The following CTNNA1 variants were observed in gnomAD, a reference collection of about 807,000 sequenced individuals.
CTNNA1 encodes the protein catenin alpha 1, also known as catenin alpha-1.
A neutral mutation model predicts 98.4 loss-of-function variants in CTNNA1; 37 were observed. That is an observed-to-expected ratio of 0.38 (90% CI 0.29 to 0.49). The LOEUF is 0.49. CTNNA1 is among the 20% of genes least tolerant of loss of function. CTNNA1 has a pLI of 0.95. For synonymous variants in CTNNA1, 404 were observed against 413.2 expected (o/e 0.98, Z 0.27); for missense variants, 761 against 1,147.2 (o/e 0.66, Z 4.86).
chr5:138,846,419 C>T (rs547883659), intron 7 of CTNNA1, among the ~76,000 whole-genome samples: 1 of 152,188 alleles, frequency 6.6e-6, no homozygotes, highest in South Asian at 2.1e-4. Flanking sequence ...AGATAATTAT[C>T]TTATATATTT....
chr5:138,861,088 C>T (rs1037321972), intron 7 of CTNNA1, among the ~76,000 whole-genome samples: 1 of 151,952 alleles, frequency 6.6e-6, no homozygotes, highest in African/African-American at 2.4e-5. Context: ...GGCATGATCT[C>T]AGGTCACTGT....
At chr5:138,841,977 G>A (rs776736171) in intron 7 of CTNNA1, among the ~76,000 whole-genome samples, 38 of 152,326 alleles carry the variant, frequency 2.5e-4, no homozygotes, top group South Asian at 2.1e-4. Flanking sequence ...ATTCAAACAT[G>A]AAAGTCATCT....
chr5:138,873,989 T>G lies in CTNNA1; in HGVS notation c.1063-12223T>G. On this transcript the variant is annotated intron_variant, in intron 7 of 17. Transcript: ENST00000302763. The surrounding 1 kb of genome is among the most constrained non-coding windows in gnomAD (Gnocchi z 6.1). Reference sequence around the variant, plus strand: ...ATTGCGAGCCAAACTTCGCAAACGATTTGTGCTCAAATCCAGAAACTCCAG... The same window carrying G: ...ATTGCGAGCCAAACTTCGCAAACGAGTTGTGCTCAAATCCAGAAACTCCAG... 1 of 1,613,988 alleles carries G rather than the reference T, an allele frequency of 6.2e-7. No individual in the cohort carries two copies. The highest frequency in any genetic ancestry group is 1.1e-5 in the South Asian group (1 of 91,082).
intron 7 of CTNNA1, among the ~76,000 whole-genome samples, chr5:138,855,162 C>T (rs1436857940): frequency 1.3e-5 from 2 of 152,184 alleles, no homozygotes; most frequent in Non-Finnish European, 2.9e-5. Flanking sequence ...CCTCAGCCTC[C>T]CGAGTAGCTG....
chr5:138,892,229 C>G (rs964379788), intron 9 of CTNNA1, among the ~76,000 whole-genome samples: 1 of 151,116 alleles, frequency 6.6e-6, no homozygotes. Flanking sequence ...TTGACTGAGA[C>G]CTATCTCAGA....
rs1009795846 is a variant in CTNNA1, at chr5:138,912,056, G to A, written c.1390-5686G>A. Among the ~76,000 whole-genome samples, 10 of 152,186 alleles carry A rather than the reference G, an allele frequency of 6.6e-5. 1 individual carries two copies. Among genetic ancestry groups the A allele is most frequent in the Non-Finnish European group, 7.3e-5 (5 of 68,044 alleles). On this transcript the variant is annotated intron_variant, in intron 10 of 17. Coordinates refer to ENST00000302763, the MANE Select transcript of CTNNA1 (RefSeq NM_001903.5). Reference sequence around the variant, plus strand: ...AGACATGCAAGATGCATGTCATGTTGAGGGCAGAGGTCTGAACAGGATGTG... The same window carrying A: ...AGACATGCAAGATGCATGTCATGTTAAGGGCAGAGGTCTGAACAGGATGTG...
intron 9 of CTNNA1, among the ~76,000 whole-genome samples, chr5:138,892,159 G>A (rs2150060304): frequency 6.6e-6 from 1 of 152,202 alleles, no homozygotes; most frequent in African/African-American, 2.4e-5. Flanking sequence ...CTTGGGCACA[G>A]GACTTCCTGA....
chr5:138,839,598 G>T (rs1436642849), intron 7 of CTNNA1, among the ~76,000 whole-genome samples: 1 of 152,158 alleles, frequency 6.6e-6, no homozygotes, highest in Non-Finnish European at 1.5e-5. Flanking sequence ...TTGGGGGAAA[G>T]ATCTAATTAT....
chr5:138,810,256 A>G (rs371676909), intron 4 of CTNNA1, 52 bp downstream of exon 4: 45 of 1,578,790 alleles, frequency 2.9e-5, no homozygotes, highest in Middle Eastern at 1.7e-4. Flanking sequence ...GAAGATTGCT[A>G]CTGGCCTTCC....
At chr5:138,848,607 C>T (rs1350729906) in intron 7 of CTNNA1, among the ~76,000 whole-genome samples, 1 of 152,208 alleles carries the variant, frequency 6.6e-6, no homozygotes, top group Non-Finnish European at 1.5e-5. Context: ...GTTGACTGTG[C>T]TGCATAGCTT....
At chr5:138,794,056 CG>C (rs1756667313) in intron 3 of CTNNA1, among the ~76,000 whole-genome samples, 1 of 141,188 alleles carries the variant, frequency 7.1e-6, no homozygotes, top group African/African-American at 2.7e-5. Context: ...CTTGCTCTGT[CG>C]CCCAGGCTGA....
At chr5:138,894,003 C>T (rs1373186452) in intron 9 of CTNNA1, among the ~76,000 whole-genome samples, 4 of 152,074 alleles carry the variant, frequency 2.6e-5, no homozygotes, top group Non-Finnish European at 5.9e-5. Context: ...CTGCAGGCTT[C>T]GCCTCCCGGT....
At position 138,875,495 on chromosome 5, in the gene CTNNA1, C is replaced by T. The variant is rs545340007; in HGVS notation, c.1063-10717C>T. On this transcript the variant is annotated intron_variant, in intron 7 of 17. Transcript: ENST00000302763. The stretch of plus-strand genomic sequence containing the variant: ...GCAGGACCCCCTGATTACAATAAAG[C>T]GAGAAAGAAGAACTCCTGACTTAAA... 74 of 985,320 alleles carry T rather than the reference C, an allele frequency of 7.5e-5. No individual in the cohort carries two copies. In the African/African-American group the frequency reaches 9.9e-4, roughly 13 times the overall value. The allele number at this position is 985,320 out of a possible 1,614,324, so 61.0% of individuals were successfully genotyped here. A position where few individuals can be genotyped will look rare whatever the true frequency, so the allele number is the denominator to read the frequency against.
chr5:138,812,290 C>G lies in CTNNA1; in HGVS notation c.576C>G (p.Ala192=). 6.2e-7 allele frequency: 1 copy of G among 1,612,716 alleles called. No individual in the cohort carries two copies. Among genetic ancestry groups the G allele is most frequent in the Non-Finnish European group, 8.5e-7 (1 of 1,179,544 alleles). The part of the protein sequence containing the change: ...PEVDKLNIMA[A]KRQQELKDVG... Reference sequence around the variant, plus strand: ...TGGATAAGCTGAACATTATGGCAGCCAAAAGACAACAGGTACAGTCATGAT... The same window carrying G: ...TGGATAAGCTGAACATTATGGCAGCGAAAAGACAACAGGTACAGTCATGAT... The change falls in exon 5 of 18, where the codon GCC becomes GCG. Residue 192 remains alanine, a synonymous_variant. Transcript: ENST00000302763.
intron 3 of CTNNA1, among the ~76,000 whole-genome samples, chr5:138,796,468 C>T (rs181525197): frequency 0.012 from 1,774 of 151,770 alleles, 29 homozygotes; most frequent in African/African-American, 0.041. Context: ...GGCGTGAACC[C>T]GGGAGGTGGA....
At chr5:138,791,729 T>C (rs1395150865) in intron 3 of CTNNA1, among the ~76,000 whole-genome samples, 2 of 146,650 alleles carry the variant, frequency 1.4e-5, no homozygotes, top group African/African-American at 2.5e-5. Flanking sequence ...AGCATCTGGG[T>C]AATCTTAGTA....
intron 7 of CTNNA1, among the ~76,000 whole-genome samples, chr5:138,882,666 C>G (rs1429670509): frequency 1.3e-5 from 2 of 152,182 alleles, no homozygotes; most frequent in Non-Finnish European, 2.9e-5. Context: ...TCCAAACTGG[C>G]AAGGGTTGGA....
At position 138,874,979 on chromosome 5, in the gene CTNNA1, G is replaced by A; in HGVS notation, c.1063-11233G>A. 6.4e-7 allele frequency: 1 copy of A among 1,563,890 alleles called. No individual in the cohort carries two copies. The highest frequency in any genetic ancestry group is 8.8e-7 in the Non-Finnish European group (1 of 1,139,020). On this transcript the variant is annotated intron_variant, in intron 7 of 17. Transcript: ENST00000302763. This position sits in a 1 kb window ranked among gnomAD's most constrained non-coding sequence, Gnocchi z 4.1. ...GACTCAACGCAGTGAGTCTGTAAAA[G>A]GCTCTAACATGTAGGAGCCTTTGAC...
intron 1 of CTNNA1, among the ~76,000 whole-genome samples, chr5:138,777,899 AGGG>A (rs1561515244): frequency 1.3e-4 from 9 of 68,442 alleles, no homozygotes; most frequent in Non-Finnish European, 2.4e-4. Context: ...GAGGAGGGAG[AGGG>A]AGAGGAGGGA....
Sources: allele counts gnomAD v4.1 joint callset (sites outside exome capture counted in the v4.1 genomes callset), GRCh38; gene constraint gnomAD v4.1.1; non-coding constraint Gnocchi (gnomAD v3.1); transcripts MANE v1.5; gene names NCBI Gene and HGNC (gene_info 2026-07-23, HGNC 2026-07-21).